The following GRIN2D variants were observed in gnomAD, a reference collection of about 807,000 sequenced individuals.
GRIN2D encodes the protein glutamate ionotropic receptor NMDA type subunit 2D.
A neutral mutation model predicts 103.2 loss-of-function variants in GRIN2D; 37 were observed. That is an observed-to-expected ratio of 0.36 (90% CI 0.28 to 0.47). The LOEUF is 0.47. GRIN2D is among the 20% of genes least tolerant of loss of function. The pLI, the probability that GRIN2D is intolerant of heterozygous loss-of-function variation, is 1.00. For synonymous variants in GRIN2D, 845 were observed against 885.6 expected, an observed-to-expected ratio of 0.95 and a Z score of 0.81; for missense variants, 1,557 against 1,910.6, an observed-to-expected ratio of 0.81 and a Z score of 3.45.
In GRIN2D at chr19:48,416,082, C is replaced by G; in HGVS notation, c.1662C>G (p.Val554=). 6.2e-7 allele frequency: 1 copy of G among 1,613,924 alleles called. No individual in the cohort carries two copies. The highest frequency in any genetic ancestry group is 8.5e-7 in the Non-Finnish European group (1 of 1,179,868). Residue 554 remains valine (V), a synonymous_variant, in exon 8 of 14, where the codon GTC becomes GTG. Coordinates refer to ENST00000263269, the MANE Select transcript of GRIN2D (RefSeq NM_000836.4). ...GCTCCGAGATCGTGGACTTCTCCGT[C>G]CCCTTCGTGGAGACCGGCATCAGCG... The part of the protein sequence containing the change: ...EERSEIVDFS[V]PFVETGISVM...
At chr19:48,411,580 C>G (rs1047674458) in intron 4 of GRIN2D, among the ~76,000 whole-genome samples, 1 of 151,556 alleles carries the variant, frequency 6.6e-6, no homozygotes, top group East Asian at 1.9e-4. Context: ...ACCTGGGAGG[C>G]GGAGGTTCCA....
intron 11 of GRIN2D, among the ~76,000 whole-genome samples, chr19:48,436,143 G>A (rs934657444): frequency 1.3e-5 from 2 of 152,204 alleles, no homozygotes; most frequent in Non-Finnish European, 2.9e-5. Context: ...TTCACGCAGA[G>A]CCGGCTGTGT....
At position 48,442,197 on chromosome 19, in the gene GRIN2D, A is replaced by C; in HGVS notation, c.2488A>C (p.Asn830His). The C allele has an allele frequency of 2.5e-6, 4 of 1,614,182 alleles. No individual in the cohort carries two copies. The highest frequency in any genetic ancestry group is 3.4e-6 in the Non-Finnish European group (4 of 1,180,024). The stretch of plus-strand genomic sequence containing the variant: ...GCTGTGGCTCTCTGGGATCTGCCAC[A>C]ATGACAAAATCGAGGTGATGAGCAG... ...ERLWLSGICHNDKIEVMSSKL... is the reference protein window; with the variant it reads ...ERLWLSGICHHDKIEVMSSKL... Residue 830 changes from asparagine (N) to histidine (H), a missense_variant, in exon 13 of 14, where the codon AAT becomes CAT. By Grantham distance (68) the Asn-to-His change is moderately conservative (BLOSUM62 1). This residue lies in a region of GRIN2D where 138 missense variants were observed against 270.2 expected (regional missense o/e 0.51). Transcript: ENST00000263269. This position sits in a 1 kb window ranked among gnomAD's most constrained non-coding sequence, Gnocchi z 7.2.
At chr19:48,436,358 T>C (rs1352148205) in intron 11 of GRIN2D, among the ~76,000 whole-genome samples, 2 of 152,108 alleles carry the variant, frequency 1.3e-5, no homozygotes, top group Non-Finnish European at 2.9e-5. Context: ...CTGAGCCAGA[T>C]TACCAGTCTG....
intron 3 of GRIN2D, among the ~76,000 whole-genome samples, chr19:48,399,428 C>T (rs1435039263): frequency 6.6e-6 from 1 of 152,096 alleles, no homozygotes; most frequent in East Asian, 1.9e-4. Context: ...ATTAGCCGGG[C>T]GTTGTGGCGG....
intron 11 of GRIN2D, among the ~76,000 whole-genome samples, chr19:48,435,399 C>T (rs1015168858): frequency 3.7e-4 from 55 of 149,250 alleles, no homozygotes; most frequent in African/African-American, 1.2e-3. Context: ...AAACAATTCT[C>T]CTGCCTCAGC....
At chr19:48,427,988 G>A (rs1852621140) in intron 11 of GRIN2D, among the ~76,000 whole-genome samples, 1 of 151,032 alleles carries the variant, frequency 6.6e-6, no homozygotes, top group Non-Finnish European at 1.5e-5. Context: ...GTTGACTCTT[G>A]ATCCCTGTAT....
intron 4 of GRIN2D, among the ~76,000 whole-genome samples, chr19:48,412,481 G>GAAAGAAAGAAAGAA (rs975133990): frequency 6.8e-6 from 1 of 146,724 alleles, no homozygotes; most frequent in Non-Finnish European, 1.5e-5. Context: ...AAGAAAGAAA[G>GAAAGAAAGAAAGAA]AGAGAGAAAG....
chr19:48,431,597 T>A (rs1026128867), intron 11 of GRIN2D, among the ~76,000 whole-genome samples: 1 of 151,942 alleles, frequency 6.6e-6, no homozygotes, highest in Non-Finnish European at 1.5e-5. Context: ...TTTTTTTTTT[T>A]TTTTGAGACG....
intron 8 of GRIN2D, among the ~76,000 whole-genome samples, chr19:48,418,264 C>T (rs1375235451): frequency 6.6e-6 from 1 of 151,996 alleles, no homozygotes; most frequent in Non-Finnish European, 1.5e-5. Context: ...AACTCCTGAC[C>T]TTAGGTGATC....
rs71181697 is a variant in GRIN2D at position 48,438,287 on chromosome 19, C to CTT, written c.2253-3454_2253-3453dup. Among the ~76,000 whole-genome samples the CTT allele has an allele frequency of 4.0e-3, 232 of 57,744 alleles. 30 individuals are homozygous for CTT. Among genetic ancestry groups the CTT allele is most frequent in the African/African-American group, 0.015 (197 of 13,218 alleles). The allele number at this position is 57,744 out of a possible 152,430, so 37.9% of individuals were successfully genotyped here. ...TCTCTTCAACTCAGCATCCAGCCGC[C>CTT]TTTTTTTTTTTTTTTTTTTTTTTTT... On this transcript the variant is annotated intron_variant, in intron 11 of 13. Coordinates refer to ENST00000263269, the MANE Select transcript of GRIN2D (RefSeq NM_000836.4).
chr19:48,432,706 A>C (rs1238139249), intron 11 of GRIN2D, among the ~76,000 whole-genome samples: 1 of 148,966 alleles, frequency 6.7e-6, no homozygotes, highest in East Asian at 2.0e-4. Flanking sequence ...CGATCCTACC[A>C]CCTTGGCCTC....
intron 11 of GRIN2D, among the ~76,000 whole-genome samples, chr19:48,434,378 C>T (rs761083939): frequency 4.6e-5 from 7 of 152,280 alleles, no homozygotes; most frequent in South Asian, 2.1e-4. Flanking sequence ...CTCAGCCTCC[C>T]GAGTAGCTGG....
At chr19:48,424,265 ATTTTTTTTT>A (rs569050730) in intron 11 of GRIN2D, among the ~76,000 whole-genome samples, 2 of 101,382 alleles carry the variant, frequency 2.0e-5, no homozygotes, top group Admixed American at 2.0e-4. Flanking sequence ...AAAAAAAAAA[ATTTTTTTTT>A]TTTTTTTTTT....
In GRIN2D at chr19:48,414,280, C is replaced by A; in HGVS notation, c.1201-93C>A. ...CTGGGTCTTGGAAGAAGCTGCTGCC[C>A]ACACACCTAGGTCTGAGGGAAGAGG... On this transcript the variant is annotated intron_variant, in intron 5 of 13. Transcript: ENST00000263269. The surrounding 1 kb of genome is among the most constrained non-coding windows in gnomAD (Gnocchi z 4.6). The A allele has an allele frequency of 8.8e-7, 1 of 1,133,166 alleles. No individual in the cohort carries two copies. Among genetic ancestry groups the A allele is most frequent in the Non-Finnish European group, 1.3e-6 (1 of 781,760 alleles). The allele number at this position is 1,133,166 out of a possible 1,614,324, so 70.2% of individuals were successfully genotyped here.
At position 48,412,275 on chromosome 19, in the gene GRIN2D, G is replaced by A. The variant is rs555702475; in HGVS notation, c.1086-1716G>A. ...ACCTGGGAGGTGGAGCTTGCAGTGAGCCAAGATCGCACCACTACACTCCAG... is the reference window on the plus strand; with the variant it reads ...ACCTGGGAGGTGGAGCTTGCAGTGAACCAAGATCGCACCACTACACTCCAG... On this transcript the variant is annotated intron_variant, in intron 4 of 13. Transcript: ENST00000263269. 8.6e-5 allele frequency among the ~76,000 whole-genome samples: 13 copies of A among 151,588 alleles called. No individual in the cohort carries two copies. In the East Asian group the frequency reaches 1.9e-3, roughly 23 times the overall value.
chr19:48,414,286 C>A lies in GRIN2D; in HGVS notation c.1201-87C>A. ...CTTGGAAGAAGCTGCTGCCCACACA[C>A]CTAGGTCTGAGGGAAGAGGATCATG... On this transcript the variant is annotated intron_variant, in intron 5 of 13. Transcript: ENST00000263269. The surrounding 1 kb of genome is among the most constrained non-coding windows in gnomAD (Gnocchi z 4.6). 1 of 1,181,360 alleles carries A rather than the reference C, an allele frequency of 8.5e-7. No homozygotes were observed. Among genetic ancestry groups the A allele is most frequent in the Non-Finnish European group, 1.2e-6 (1 of 823,588 alleles). The allele number at this position is 1,181,360 out of a possible 1,614,324, so 73.2% of individuals were successfully genotyped here. A position where few individuals can be genotyped will look rare whatever the true frequency, so the allele number is the denominator to read the frequency against.
rs1439587535 is a variant in GRIN2D at position 48,442,783 on chromosome 19, G to A, written c.2857G>A (p.Gly953Arg). 17 of 1,069,042 alleles carry A rather than the reference G, an allele frequency of 1.6e-5. No homozygotes were observed. The highest frequency in any genetic ancestry group is 1.9e-5 in the Non-Finnish European group (17 of 885,588). 66.2% of individuals were successfully genotyped at this position (1,069,042 alleles called of 1,614,324 possible). A position where few individuals can be genotyped will look rare whatever the true frequency, so the allele number is the denominator to read the frequency against. ...CCGGACCAAGGGCGCGGGGCCGCCG[G>A]GGGGCGCGGGCCTGGCCGACGGCTT... ...WRRTKGAGPP[G>R]GAGLADGFHR... Residue 953 changes from glycine (G) to arginine (R), a missense_variant, in exon 14 of 14, where the codon GGG (glycine) becomes AGG (arginine). By Grantham distance (125) the Gly-to-Arg change is moderately radical (BLOSUM62 -2). This residue lies in a region of GRIN2D where 632 missense variants were observed against 572.8 expected (regional missense o/e 1.10). Coordinates refer to ENST00000263269, the MANE Select transcript of GRIN2D (RefSeq NM_000836.4). The surrounding 1 kb of genome is among the most constrained non-coding windows in gnomAD (Gnocchi z 7.2).
intron 10 of GRIN2D, 45 bp downstream of exon 10, chr19:48,419,859 G>A (rs762335377): frequency 9.0e-7 from 1 of 1,105,230 alleles, no homozygotes; most frequent in South Asian, 1.2e-5. Context: ...GCTGGGGCTG[G>A]AGGTCACAGA....
Sources: allele counts gnomAD v4.1 joint callset (sites outside exome capture counted in the v4.1 genomes callset), GRCh38; gene constraint gnomAD v4.1.1; regional missense constraint gnomAD v4.1.1; non-coding constraint Gnocchi (gnomAD v3.1); transcripts MANE v1.5; gene names NCBI Gene and HGNC (gene_info 2026-07-23, HGNC 2026-07-21).